CYP19A1: variants seen among roughly 807,000 people sequenced by gnomAD.
CYP19A1 encodes the protein aromatase.
A neutral mutation model predicts 44.4 loss-of-function variants in CYP19A1; 32 were observed. The observed-to-expected ratio is 0.72, with a 90% confidence interval of 0.54 to 0.97. The LOEUF (loss-of-function observed/expected upper bound fraction) is 0.97, where lower values mean the gene tolerates loss of function less well. Ranked by LOEUF, CYP19A1 falls within the 50% of genes least tolerant of loss-of-function variation. CYP19A1 has a pLI of 0.00. For synonymous variants in CYP19A1, 212 were observed against 215.6 expected (o/e 0.98, Z 0.14); for missense variants, 598 against 637.8 (o/e 0.94, Z 0.67).
At chr15:51,275,346 T>C (rs1002989892) in intron 1 of CYP19A1, among the ~76,000 whole-genome samples, 1 of 152,214 alleles carries the variant, frequency 6.6e-6, no homozygotes, top group Non-Finnish European at 1.5e-5. Context: ...AGGAGTCTCT[T>C]CTGTGAAAAG....
Position 51,211,053 on chromosome 15 carries a change from G to A in CYP19A1, c.1267C>T (p.Pro423Ser). ...CCAAATGGCTGAAAGTACCTATAAG[G>A]AACCTATGAAAATGATCAGACAGTT... ...FTLENFAKNV[P>S]YRYFQPFGFG... The change falls in exon 10 of 10, where the codon CCT (proline) becomes TCT (serine). Residue 423 changes from proline (P) to serine (S), a missense_variant. Coordinates refer to ENST00000396402, the MANE Select transcript of CYP19A1 (RefSeq NM_000103.4). The A allele has an allele frequency of 6.3e-7, 1 of 1,578,156 alleles. No homozygotes were observed. The highest frequency in any genetic ancestry group is 8.7e-7 in the Non-Finnish European group (1 of 1,147,316).
chr15:51,263,889 T>G (rs945514227), intron 1 of CYP19A1, among the ~76,000 whole-genome samples: 1 of 152,134 alleles, frequency 6.6e-6, no homozygotes, highest in Non-Finnish European at 1.5e-5. Flanking sequence ...TTGGAGAGCA[T>G]GAAGTTGGAG....
chr15:51,234,992 C>T (rs927928628), intron 3 of CYP19A1, among the ~76,000 whole-genome samples: 2 of 152,024 alleles, frequency 1.3e-5, no homozygotes, highest in Admixed American at 1.3e-4. Context: ...ATGGGGAAGG[C>T]AGACCCTGGG....
At chr15:51,258,403 T>C (rs1163747310) in intron 1 of CYP19A1, among the ~76,000 whole-genome samples, 1 of 152,198 alleles carries the variant, frequency 6.6e-6, no homozygotes, top group Non-Finnish European at 1.5e-5. Flanking sequence ...GTATATATCC[T>C]TGGTGACATT....
intron 1 of CYP19A1, among the ~76,000 whole-genome samples, chr15:51,269,614 C>T (rs987639156): frequency 1.3e-5 from 2 of 152,136 alleles, no homozygotes; most frequent in Admixed American, 6.5e-5. Context: ...TATGGATTCA[C>T]CACCATGTTC....
At position 51,305,204 on chromosome 15, in the gene CYP19A1, C is replaced by A. The variant is rs529208641; in HGVS notation, c.-39+33291G>T. 2.6e-5 allele frequency among the ~76,000 whole-genome samples: 4 copies of A among 152,154 alleles called. No homozygotes were observed. In the South Asian group the frequency reaches 8.3e-4, roughly 32 times the overall value. Reference sequence around the variant, plus strand: ...CGTGATCCATCGCGCCCGGCCACGTCTCTTCCTTTCAATGTAGGATGTCAC... The same window carrying A: ...CGTGATCCATCGCGCCCGGCCACGTATCTTCCTTTCAATGTAGGATGTCAC... On this transcript the variant is annotated intron_variant, in intron 1 of 9. Coordinates refer to ENST00000396402, the MANE Select transcript of CYP19A1 (RefSeq NM_000103.4).
chr15:51,261,139 T>C (rs143546132), intron 1 of CYP19A1, among the ~76,000 whole-genome samples: 4 of 152,334 alleles, frequency 2.6e-5, no homozygotes, highest in Non-Finnish European at 5.9e-5. Context: ...TTCAGCCTAA[T>C]CGAGCTGAAC....
chr15:51,222,023 T>C (rs1176977637), intron 5 of CYP19A1: 2 of 500,932 alleles, frequency 4.0e-6, no homozygotes, highest in Non-Finnish European at 7.1e-6. Flanking sequence ...TGGTTAAATA[T>C]ATAAAGTTGA....
At chr15:51,285,945 A>G (rs2035684424) in intron 1 of CYP19A1, among the ~76,000 whole-genome samples, 1 of 152,156 alleles carries the variant, frequency 6.6e-6, no homozygotes. Flanking sequence ...GGTACCAGTC[A>G]CCACAGTCTC....
intron 1 of CYP19A1, among the ~76,000 whole-genome samples, chr15:51,271,309 C>T (rs751590755): frequency 1.1e-4 from 16 of 152,074 alleles, no homozygotes; most frequent in Non-Finnish European, 1.9e-4. Context: ...CTGCGAGTCA[C>T]CTAAAGTTCT....
chr15:51,208,236 G>A lies in CYP19A1; in HGVS notation c.*2572C>T, dbSNP rs1232663242. Reference sequence around the variant, plus strand: ...AAGGTGCTGCTTAGGAATAAAAAGTGGCAATTTCCAAATGGTATTTCTCAA... The same window carrying A: ...AAGGTGCTGCTTAGGAATAAAAAGTAGCAATTTCCAAATGGTATTTCTCAA... On this transcript the variant is annotated 3_prime_UTR_variant, in exon 10 of 10. Coordinates refer to ENST00000396402, the MANE Select transcript of CYP19A1 (RefSeq NM_000103.4). 2.6e-5 allele frequency: 4 copies of A among 152,098 alleles called. No individual in the cohort carries two copies. The highest frequency in any genetic ancestry group is 9.7e-5 in the African/African-American group (4 of 41,420). 9.4% of individuals were successfully genotyped at this position (152,098 alleles called of 1,614,324 possible). A position where few individuals can be genotyped will look rare whatever the true frequency, so the allele number is the denominator to read the frequency against.
In CYP19A1 at chr15:51,281,343, T is replaced by C. The variant is rs183957547; in HGVS notation, c.-38-38393A>G. Among the ~76,000 whole-genome samples the C allele has an allele frequency of 7.2e-4, 109 of 152,306 alleles. 1 individual carries two copies. The highest frequency in any genetic ancestry group is 2.6e-3 in the African/African-American group (107 of 41,562). On this transcript the variant is annotated intron_variant, in intron 1 of 9. Transcript: ENST00000396402. Reference sequence around the variant, plus strand: ...AGGCTATACCAGATGTTTGGGTCACTCTCTGGAGGTTCCTGGGGCAGCAAG... The same window carrying C: ...AGGCTATACCAGATGTTTGGGTCACCCTCTGGAGGTTCCTGGGGCAGCAAG...
chr15:51,318,258 A>T (rs1358154886), intron 1 of CYP19A1, among the ~76,000 whole-genome samples: 1 of 152,204 alleles, frequency 6.6e-6, no homozygotes, highest in Admixed American at 6.5e-5. Context: ...GAAACTGAGG[A>T]TCTAAGAAAT....
chr15:51,212,288 T>A, intron 9 of CYP19A1, 32 bp downstream of exon 9: 1 of 1,451,786 alleles, frequency 6.9e-7, no homozygotes, highest in East Asian at 2.3e-5. Flanking sequence ...TTTTCAAGAG[T>A]GGCACACTCA....
chr15:51,313,499 T>C (rs1159975156), intron 1 of CYP19A1, among the ~76,000 whole-genome samples: 4 of 152,086 alleles, frequency 2.6e-5, no homozygotes, highest in Admixed American at 1.3e-4. Flanking sequence ...GGTTTTCCCA[T>C]CTATAAAAAA....
At chr15:51,218,745 T>C (rs1430764773) in intron 5 of CYP19A1, 90 bp from the exon 6 acceptor site, 1 of 1,536,318 alleles carries the variant, frequency 6.5e-7, no homozygotes, top group Non-Finnish European at 8.7e-7. Context: ...AAACATTCCC[T>C]GCAGATTCTC....
chr15:51,333,917 A>C lies in CYP19A1; in HGVS notation c.-39+4578T>G, dbSNP rs1239556081. 3.3e-5 allele frequency among the ~76,000 whole-genome samples: 5 copies of C among 152,036 alleles called. No individual in the cohort carries two copies. The East Asian group carries it at 9.7e-4, about 29-fold the overall frequency. On this transcript the variant is annotated intron_variant, in intron 1 of 9. Coordinates refer to ENST00000396402, the MANE Select transcript of CYP19A1 (RefSeq NM_000103.4). ...TCTTAGGCTATCAGGCCCCAAATTC[A>C]CTTTTTTTTTAGGACCTATATGCAC...
chr15:51,322,148 T>G (rs991013836), intron 1 of CYP19A1, among the ~76,000 whole-genome samples: 1 of 152,144 alleles, frequency 6.6e-6, no homozygotes, highest in African/African-American at 2.4e-5. Flanking sequence ...AGGCTGGGCT[T>G]GAAATAGGCT....
intron 1 of CYP19A1, among the ~76,000 whole-genome samples, chr15:51,301,102 G>A (rs1248205084): frequency 2.0e-5 from 3 of 152,180 alleles, no homozygotes; most frequent in Non-Finnish European, 2.9e-5. Context: ...GAGGTATTTC[G>A]CTGGGGCTTG....
Sources: allele counts gnomAD v4.1 joint callset (sites outside exome capture counted in the v4.1 genomes callset), GRCh38; gene constraint gnomAD v4.1.1; transcripts MANE v1.5; gene names NCBI Gene and HGNC (gene_info 2026-07-23, HGNC 2026-07-21).